The following TENM2 variants were observed in gnomAD, a reference collection of about 807,000 sequenced individuals.
TENM2 encodes teneurin-2.
A neutral mutation model predicts 245.2 loss-of-function variants in TENM2; 52 were observed. That is an observed-to-expected ratio of 0.21 (90% CI 0.17 to 0.27). The LOEUF (loss-of-function observed/expected upper bound fraction) is 0.27, where lower values mean the gene tolerates loss of function less well. TENM2 is among the 10% of genes least tolerant of loss of function. The pLI, the probability that TENM2 is intolerant of heterozygous loss-of-function variation, is 1.00. For missense variants in TENM2, 3,046 were observed against 3,666.8 expected, an observed-to-expected ratio of 0.83 and a Z score of 4.37; for synonymous variants, 1,363 against 1,438.9, an observed-to-expected ratio of 0.95 and a Z score of 1.19.
chr5:167,321,940 G>A (rs1002288162), intron 1 of TENM2, among the ~76,000 whole-genome samples: 1 of 151,218 alleles, frequency 6.6e-6, no homozygotes, highest in African/African-American at 2.4e-5. Flanking sequence ...GCAATTCTCT[G>A]GCCTCAGCCT....
intron 27 of TENM2, among the ~76,000 whole-genome samples, chr5:168,258,336 C>A (rs1303272831): frequency 1.3e-5 from 2 of 152,076 alleles, no homozygotes; most frequent in East Asian, 3.9e-4. Context: ...CCTGTCTCTA[C>A]TAAAAATACA....
intron 12 of TENM2, among the ~76,000 whole-genome samples, chr5:168,150,458 G>A (rs752276933): frequency 8.5e-5 from 13 of 152,256 alleles, no homozygotes; most frequent in African/African-American, 2.6e-4. Context: ...GACGCCATGC[G>A]GGGGCTTCCC....
chr5:167,187,959 C>T, the TENM2 span, among the ~76,000 whole-genome samples: 5 of 152,262 alleles, frequency 3.3e-5, no homozygotes, highest in African/African-American at 1.2e-4. Flanking sequence ...TGTTTTGTTA[C>T]AGCAGCGTCA....
chr5:167,966,262 A>G (rs565553996), intron 4 of TENM2, among the ~76,000 whole-genome samples: 2 of 152,322 alleles, frequency 1.3e-5, no homozygotes, highest in South Asian at 4.1e-4. Context: ...ATTAAGAAGC[A>G]CAGCTACTTG....
chr5:167,319,038 T>A (rs138580425), intron 1 of TENM2, among the ~76,000 whole-genome samples: 1,725 of 151,834 alleles, frequency 0.011, 16 homozygotes, highest in African/African-American at 0.026. Flanking sequence ...TTAGAGATTT[T>A]AAAAAAAAAT....
chr5:168,150,996 C>A (rs1327753145), intron 12 of TENM2, among the ~76,000 whole-genome samples: 1 of 152,178 alleles, frequency 6.6e-6, no homozygotes, highest in Non-Finnish European at 1.5e-5. Flanking sequence ...ATGGCAGGTG[C>A]TGTTGCTTGC....
At chr5:167,749,083 G>T (rs1761780333) in intron 2 of TENM2, among the ~76,000 whole-genome samples, 1 of 151,990 alleles carries the variant, frequency 6.6e-6, no homozygotes, top group African/African-American at 2.4e-5. Flanking sequence ...TTTAAAAAAT[G>T]AAATTAGACA....
chr5:167,767,459 C>T (rs570172640), intron 2 of TENM2, among the ~76,000 whole-genome samples: 6 of 152,184 alleles, frequency 3.9e-5, no homozygotes, highest in African/African-American at 1.2e-4. Flanking sequence ...AGACAAAAGA[C>T]CTCCGGAGAT....
At chr5:167,076,799 A>C in the TENM2 span, among the ~76,000 whole-genome samples, 1 of 151,956 alleles carries the variant, frequency 6.6e-6, no homozygotes, top group African/African-American at 2.4e-5. Flanking sequence ...ACCCTTTAAT[A>C]CTCAAAAGCT....
intron 3 of TENM2, among the ~76,000 whole-genome samples, chr5:167,877,990 CAG>C (rs1222102016): frequency 6.6e-5 from 10 of 152,200 alleles, no homozygotes; most frequent in Admixed American, 4.6e-4. Context: ...TTTTTAAAAA[CAG>C]ACAATTATTA....
Position 167,764,176 on chromosome 5 carries a change from T to TGAGTCTTCCCTCCACTGCTTATACCCCAA in TENM2, c.503-111809_503-111781dup, listed in dbSNP as rs1762856516. 3.9e-5 allele frequency among the ~76,000 whole-genome samples: 6 copies of TGAGTCTTCCCTCCACTGCTTATACCCCAA among 152,276 alleles called. No homozygotes were observed. In the South Asian group the frequency reaches 1.0e-3, roughly 26 times the overall value. On this transcript the variant is annotated intron_variant, in intron 2 of 28. Coordinates refer to ENST00000518659, the Ensembl canonical transcript of TENM2. Reference sequence around the variant, plus strand: ...GTTAGGGATAAATTTGGGAGACTGCTGAGTCTTCCCTCCACTGCTTATACC... The same window carrying TGAGTCTTCCCTCCACTGCTTATACCCCAA: ...GTTAGGGATAAATTTGGGAGACTGCTGAGTCTTCCCTCCACTGCTTATACCCCAAGAGTCTTCCCTCCACTGCTTATACC...
intron 25 of TENM2, among the ~76,000 whole-genome samples, chr5:168,235,033 G>A (rs1765300604): frequency 6.6e-6 from 1 of 152,164 alleles, no homozygotes; most frequent in Admixed American, 6.5e-5. Context: ...GGGAGGTGGG[G>A]GGATGGGCGT....
At chr5:167,791,046 A>G (rs1382269551) in intron 2 of TENM2, among the ~76,000 whole-genome samples, 1 of 152,022 alleles carries the variant, frequency 6.6e-6, no homozygotes, top group Non-Finnish European at 1.5e-5. Context: ...AGAGGTTTCT[A>G]TTTCTCTGTA....
intron 2 of TENM2, among the ~76,000 whole-genome samples, chr5:167,718,828 T>C (rs1218928655): frequency 1.3e-5 from 2 of 152,096 alleles, no homozygotes; most frequent in Non-Finnish European, 2.9e-5. Context: ...TGACATATCA[T>C]TTAACCTCTC....
At chr5:168,032,519 C>A (rs879609548) in intron 5 of TENM2, among the ~76,000 whole-genome samples, 3 of 152,130 alleles carry the variant, frequency 2.0e-5, no homozygotes, top group African/African-American at 7.2e-5. Flanking sequence ...AGCTTTGAGA[C>A]TCTGTTAGTA....
chr5:167,596,002 A>G (rs1416606265), intron 2 of TENM2, among the ~76,000 whole-genome samples: 1 of 152,166 alleles, frequency 6.6e-6, no homozygotes, highest in Non-Finnish European at 1.5e-5. Context: ...GATATTGTTA[A>G]TGGAAGCAAA....
intron 13 of TENM2, among the ~76,000 whole-genome samples, chr5:168,181,865 CG>C (rs1457719111): frequency 6.6e-6 from 1 of 151,702 alleles, no homozygotes; most frequent in Non-Finnish European, 1.5e-5. Context: ...TTAGTAGAGA[CG>C]GGGTTTCATC....
chr5:167,041,500 A>C, the TENM2 span, among the ~76,000 whole-genome samples: 1 of 152,196 alleles, frequency 6.6e-6, no homozygotes. Context: ...GAAGTGTCCA[A>C]TTACCTAATA....
chr5:167,625,331 C>T (rs1453733514), intron 2 of TENM2, among the ~76,000 whole-genome samples: 2 of 152,178 alleles, frequency 1.3e-5, no homozygotes, highest in African/African-American at 4.8e-5. Context: ...TCCCTGGCTA[C>T]AGTCTCTCCC....
Sources: allele counts gnomAD v4.1 joint callset (sites outside exome capture counted in the v4.1 genomes callset), GRCh38; gene constraint gnomAD v4.1.1; transcripts MANE v1.5; gene names NCBI Gene and HGNC (gene_info 2026-07-23, HGNC 2026-07-21).